Variants in SOX6 observed in about 807,000 individuals in gnomAD.
SOX6 encodes transcription factor SOX-6.
A neutral mutation model predicts 97.8 loss-of-function variants in SOX6; 11 were observed. That is an observed-to-expected ratio of 0.11 (90% CI 0.07 to 0.19). SOX6 has a LOEUF of 0.19. Among genes scored for constraint, SOX6 ranks in the 10% least tolerant of loss-of-function variants. The pLI is 1.00. For missense variants in SOX6, 810 were observed against 1,039.5 expected, an observed-to-expected ratio of 0.78 and a Z score of 3.04; for synonymous variants, 360 against 371.4, an observed-to-expected ratio of 0.97 and a Z score of 0.35.
chr11:16,631,614 G>C (rs1372224904), intron 3 of SOX6, among the ~76,000 whole-genome samples: 1 of 152,066 alleles, frequency 6.6e-6, no homozygotes, highest in Non-Finnish European at 1.5e-5. Context: ...CTTGGATCTG[G>C]ATGTCTACCT....
At chr11:16,168,999 T>C (rs1252718975) in intron 6 of SOX6, among the ~76,000 whole-genome samples, 2 of 152,186 alleles carry the variant, frequency 1.3e-5, no homozygotes, top group African/African-American at 4.8e-5. Flanking sequence ...CTGTTGCGTG[T>C]CTGACTTTGT....
chr11:16,458,630 C>T (rs1282472145), intron 1 of SOX6, among the ~76,000 whole-genome samples: 2 of 152,120 alleles, frequency 1.3e-5, no homozygotes, highest in East Asian at 1.9e-4. Flanking sequence ...AAAATGCATA[C>T]TTTATATATA....
intron 4 of SOX6, among the ~76,000 whole-genome samples, chr11:16,216,229 T>C (rs570356233): frequency 3.3e-5 from 5 of 152,344 alleles, no homozygotes; most frequent in African/African-American, 1.2e-4. Context: ...CTCTCACTTC[T>C]TGGTAGGACT....
intron 1 of SOX6, among the ~76,000 whole-genome samples, chr11:16,383,462 C>T (rs908537176): frequency 6.6e-6 from 1 of 151,920 alleles, no homozygotes; most frequent in Non-Finnish European, 1.5e-5. Flanking sequence ...AATCCTGCTT[C>T]CACCACTTAC....
intron 3 of SOX6, among the ~76,000 whole-genome samples, chr11:16,674,572 T>C (rs547093186): frequency 3.3e-4 from 50 of 151,766 alleles, no homozygotes; most frequent in Non-Finnish European, 6.0e-4. Flanking sequence ...GAGAAAGAAA[T>C]AAAGGGCAGC....
chr11:16,043,234 C>G (rs1855728338), intron 12 of SOX6, among the ~76,000 whole-genome samples: 1 of 152,104 alleles, frequency 6.6e-6, no homozygotes, highest in African/African-American at 2.4e-5. Flanking sequence ...TGCACTGGTA[C>G]TTAGACTGGG....
intron 12 of SOX6, among the ~76,000 whole-genome samples, chr11:16,018,653 G>A (rs1854957105): frequency 6.6e-6 from 1 of 152,128 alleles, no homozygotes; most frequent in South Asian, 2.1e-4. Context: ...AATAATGTGT[G>A]TGCTAACAGT....
At chr11:16,323,475 T>C (rs1855984335) in intron 2 of SOX6, among the ~76,000 whole-genome samples, 1 of 152,172 alleles carries the variant, frequency 6.6e-6, no homozygotes, top group Non-Finnish European at 1.5e-5. Flanking sequence ...AGTAGCCATC[T>C]CATGGTATTG....
chr11:15,992,573 C>T (rs1019112479), intron 13 of SOX6, among the ~76,000 whole-genome samples: 1 of 152,110 alleles, frequency 6.6e-6, no homozygotes, highest in South Asian at 2.1e-4. Context: ...CAACAACAAA[C>T]CAAATTTGCA....
chr11:16,628,234 T>C (rs915969501), intron 3 of SOX6, among the ~76,000 whole-genome samples: 4 of 152,200 alleles, frequency 2.6e-5, no homozygotes, highest in Non-Finnish European at 5.9e-5. Context: ...ATGTGATGCC[T>C]CCAGCTTTGT....
intron 3 of SOX6, among the ~76,000 whole-genome samples, chr11:16,676,885 GTT>G (rs1228948736): frequency 6.9e-6 from 1 of 145,564 alleles, no homozygotes; most frequent in Non-Finnish European, 1.5e-5. Flanking sequence ...TCTTTCTCAG[GTT>G]TTTTTTTTTA....
At chr11:16,604,428 G>C (rs1848308262) in intron 4 of SOX6, among the ~76,000 whole-genome samples, 1 of 152,212 alleles carries the variant, frequency 6.6e-6, no homozygotes, top group Non-Finnish European at 1.5e-5. Flanking sequence ...GAAGACCCTA[G>C]TGGGCGGGAG....
At chr11:16,483,991 G>A in intron 4 of SOX6, 1 of 844,282 alleles carries the variant, frequency 1.2e-6, no homozygotes, top group Non-Finnish European at 2.1e-6. Context: ...CTTGATCCTG[G>A]GATCCTCCAG....
rs527333871 is a variant in SOX6, at chr11:15,982,772, T to A, written c.2183+3432A>T. On this transcript the variant is annotated intron_variant, in intron 15 of 15. Transcript: ENST00000683767. ...AATGTAACATTTTCTCGAATTTTTT[T>A]AAAAAATATTTTTGATCCACAATTG... Among the ~76,000 whole-genome samples, 6 of 152,180 alleles carry A rather than the reference T, an allele frequency of 3.9e-5. No homozygotes were observed. The East Asian group carries it at 5.8e-4, about 15-fold the overall frequency.
At chr11:16,345,602 T>C (rs1686953303) in intron 1 of SOX6, among the ~76,000 whole-genome samples, 1 of 152,052 alleles carries the variant, frequency 6.6e-6, no homozygotes, top group Non-Finnish European at 1.5e-5. Flanking sequence ...AGACAGTAAA[T>C]TTATTTTCTG....
At chr11:16,493,771 C>G (rs1193016706) in intron 4 of SOX6, among the ~76,000 whole-genome samples, 3 of 152,006 alleles carry the variant, frequency 2.0e-5, no homozygotes, top group Non-Finnish European at 2.9e-5. Context: ...CTGTATGGTC[C>G]AGAGTATACA....
At chr11:16,039,115 T>C (rs545601046) in intron 12 of SOX6, among the ~76,000 whole-genome samples, 4 of 152,260 alleles carry the variant, frequency 2.6e-5, no homozygotes, top group African/African-American at 4.8e-5. Flanking sequence ...TTTTGTGCAC[T>C]TCACTTATCT....
chr11:16,347,558 G>A (rs1170997033), intron 1 of SOX6, among the ~76,000 whole-genome samples: 1 of 152,068 alleles, frequency 6.6e-6, no homozygotes, highest in African/African-American at 2.4e-5. Flanking sequence ...ATTTATGTAA[G>A]TTCACTTTGA....
At chr11:16,645,364 T>C (rs890329033) in intron 3 of SOX6, among the ~76,000 whole-genome samples, 3 of 152,222 alleles carry the variant, frequency 2.0e-5, no homozygotes, top group African/African-American at 7.2e-5. Context: ...CACCTGCATC[T>C]TGGTCACCAC....
Sources: gnomAD v4.1 joint callset for allele counts (sites outside exome capture counted in the v4.1 genomes callset) on GRCh38, gnomAD v4.1.1 for gene constraint, MANE v1.5 for transcripts, NCBI Gene and HGNC (gene_info 2026-07-23, HGNC 2026-07-21) for gene names.